Variants in MEGF6 observed in about 807,000 individuals in gnomAD.
MEGF6 encodes multiple EGF like domains 6, also known as multiple epidermal growth factor-like domains protein 6.
MEGF6 carries 184 observed loss-of-function variants against 207.1 expected under a neutral mutation model. The ratio of observed to expected loss-of-function variants is 0.89; its 90% CI spans 0.79 to 1.00. The LOEUF (loss-of-function observed/expected upper bound fraction) is 1.00, where lower values mean the gene tolerates loss of function less well. Ranked by LOEUF, MEGF6 falls within the 50% of genes least tolerant of loss-of-function variation. The pLI is 0.00. For synonymous variants in MEGF6, 1,038 were observed against 910.0 expected, an observed-to-expected ratio of 1.14 and a Z score of -2.53; for missense variants, 2,282 against 2,202.9, an observed-to-expected ratio of 1.04 and a Z score of -0.72.
chr1:3,495,124 G>A (rs971914531), intron 30 of MEGF6, among the ~76,000 whole-genome samples: 2 of 152,202 alleles, frequency 1.3e-5, no homozygotes, highest in African/African-American at 2.4e-5. Context: ...GCGTGGCTGG[G>A]CTGCCGTGGG....
At chr1:3,613,308 AAC>A (rs1009670583), upstream of MEGF6, among the ~76,000 whole-genome samples, 2 of 152,068 alleles carry the variant, frequency 1.3e-5, no homozygotes, top group African/African-American at 4.8e-5. Context: ...CACCCAAGAA[AAC>A]CTCCCCAGTG....
At position 3,611,074 on chromosome 1, in the gene MEGF6, G is replaced by C. The variant is rs116244295; in HGVS notation, c.131+64C>G. The C allele has an allele frequency of 2.5e-3, 3,548 of 1,399,830 alleles. 79 individuals are homozygous for C. In the African/African-American group the frequency reaches 0.049, roughly 19 times the overall value. 86.7% of individuals were successfully genotyped at this position (1,399,830 alleles called of 1,614,324 possible). On this transcript the variant is annotated intron_variant, in intron 1 of 36. Coordinates refer to ENST00000356575, the MANE Select transcript of MEGF6 (RefSeq NM_001409.4). The stretch of plus-strand genomic sequence containing the variant: ...AAAGCCTCGGAGCTCGGTCCACCAC[G>C]GGCCTCCAGAGGCCCCGGGGTCCCT...
At chr1:3,587,027 T>C (rs1246047640) in intron 3 of MEGF6, among the ~76,000 whole-genome samples, 1 of 151,802 alleles carries the variant, frequency 6.6e-6, no homozygotes. Flanking sequence ...CCGTCCGGGG[T>C]TTCTGCAGCA....
At position 3,506,210 on chromosome 1, in the gene MEGF6, G is replaced by A; in HGVS notation, c.1816C>T (p.His606Tyr). Residue 606 changes from histidine (H) to tyrosine (Y), a missense_variant, in exon 15 of 37, where the codon CAC becomes TAC. By Grantham distance (83) the His-to-Tyr change is moderately conservative (BLOSUM62 2). Coordinates refer to ENST00000356575, the MANE Select transcript of MEGF6 (RefSeq NM_001409.4). The stretch of plus-strand genomic sequence containing the variant: ...GCACAGTTGCATTTCTTGCGACAGT[G>A]CTTGCCATAGTAGCCCTTGGGGCAG... ...DGCPKGYYGKHCRKKCNCANR... is the reference protein window; with the variant it reads ...DGCPKGYYGKYCRKKCNCANR... The A allele has an allele frequency of 6.2e-7, 1 of 1,608,150 alleles. No homozygotes were observed. The highest frequency in any genetic ancestry group is 8.5e-7 in the Non-Finnish European group (1 of 1,177,764).
chr1:3,577,616 G>A (rs1010630425), intron 4 of MEGF6, among the ~76,000 whole-genome samples: 7 of 152,212 alleles, frequency 4.6e-5, no homozygotes, highest in African/African-American at 7.2e-5. Flanking sequence ...GCGTTCCCAC[G>A]GTGACTGGGG....
chr1:3,573,757 G>T lies in MEGF6; in HGVS notation c.481+6068C>A, dbSNP rs1028513994. 6.6e-6 allele frequency among the ~76,000 whole-genome samples: 1 copy of T among 152,194 alleles called. No individual in the cohort carries two copies. Among genetic ancestry groups the T allele is most frequent in the South Asian group, 2.1e-4 (1 of 4,830 alleles). ...GCAGCGGCAGCTCCCAGGCCTGGCCGTGGCTGGTCGCCAAGAGCAGCCCTG... is the reference window on the plus strand; with the variant it reads ...GCAGCGGCAGCTCCCAGGCCTGGCCTTGGCTGGTCGCCAAGAGCAGCCCTG... On this transcript the variant is annotated intron_variant, in intron 4 of 36. Transcript: ENST00000356575. The surrounding 1 kb of genome is among the most constrained non-coding windows in gnomAD (Gnocchi z 5.1).
At position 3,556,936 on chromosome 1, in the gene MEGF6, G is replaced by A. The variant is rs1048515122; in HGVS notation, c.481+22889C>T. Among the ~76,000 whole-genome samples, 2 of 152,208 alleles carry A rather than the reference G, an allele frequency of 1.3e-5. No homozygotes were observed. Among genetic ancestry groups the A allele is most frequent in the East Asian group, 1.9e-4 (1 of 5,190 alleles). Reference sequence around the variant, plus strand: ...CTCAGCCGACCTGACCTAGGAAGCCGATCCCGGCTTATCTGGGGGGCCTGG... The same window carrying A: ...CTCAGCCGACCTGACCTAGGAAGCCAATCCCGGCTTATCTGGGGGGCCTGG... On this transcript the variant is annotated intron_variant, in intron 4 of 36. Transcript: ENST00000356575. This position sits in a 1 kb window ranked among gnomAD's most constrained non-coding sequence, Gnocchi z 4.4.
chr1:3,596,935 C>G (rs77745787), intron 2 of MEGF6, among the ~76,000 whole-genome samples: 1 of 152,164 alleles, frequency 6.6e-6, no homozygotes, highest in East Asian at 1.9e-4. Flanking sequence ...TCCCGGGGCT[C>G]GTAAGTCTCA....
chr1:3,600,633 C>A (rs556752976), intron 2 of MEGF6, among the ~76,000 whole-genome samples: 4 of 152,176 alleles, frequency 2.6e-5, no homozygotes, highest in African/African-American at 4.8e-5. Flanking sequence ...GAGACTCCCC[C>A]GAGGCTGCAC....
At position 3,594,010 on chromosome 1, in the gene MEGF6, G is replaced by A. The variant is rs1025345336; in HGVS notation, c.376+1328C>T. On this transcript the variant is annotated intron_variant, in intron 3 of 36. Coordinates refer to ENST00000356575, the MANE Select transcript of MEGF6 (RefSeq NM_001409.4). The surrounding 1 kb of genome is among the most constrained non-coding windows in gnomAD (Gnocchi z 4.2). The stretch of plus-strand genomic sequence containing the variant: ...CAACTTCAGCCCCGGTTTGCAGCCT[G>A]CATGCTTCCTGTGTGAGAAGAGCCC... Among the ~76,000 whole-genome samples, 5 of 152,184 alleles carry A rather than the reference G, an allele frequency of 3.3e-5. No individual in the cohort carries two copies. Among genetic ancestry groups the A allele is most frequent in the African/African-American group, 1.2e-4 (5 of 41,452 alleles).
intron 35 of MEGF6, among the ~76,000 whole-genome samples, chr1:3,492,162 C>G (rs12072653): frequency 0.097 from 14,724 of 152,114 alleles, 2,443 homozygotes; most frequent in African/African-American, 0.34. Context: ...CACACATGTA[C>G]TGGCACACAT....
At chr1:3,571,657 G>A (rs544211186) in intron 4 of MEGF6, among the ~76,000 whole-genome samples, 11 of 150,912 alleles carry the variant, frequency 7.3e-5, no homozygotes, top group Non-Finnish European at 1.3e-4. Context: ...CTTCCTGGGT[G>A]TGCTAGGTCC....
chr1:3,513,227 T>G (rs1159963857), intron 7 of MEGF6, among the ~76,000 whole-genome samples: 1 of 152,142 alleles, frequency 6.6e-6, no homozygotes, highest in East Asian at 1.9e-4. Context: ...ATTTATTTAT[T>G]TTTAGACAGG....
At chr1:3,611,019 A>T in intron 1 of MEGF6, 119 bp downstream of exon 1, 1 of 1,269,074 alleles carries the variant, frequency 7.9e-7, no homozygotes, top group Non-Finnish European at 1.0e-6. Flanking sequence ...AGTTAACGCA[A>T]ACAGCCCATT....
Position 3,495,042 on chromosome 1 carries a change from A to T in MEGF6, c.3872-301T>A, listed in dbSNP as rs1569930457. 2.0e-5 allele frequency among the ~76,000 whole-genome samples: 3 copies of T among 152,300 alleles called. No individual in the cohort carries two copies. The South Asian group carries it at 6.2e-4, about 32-fold the overall frequency. On this transcript the variant is annotated intron_variant, in intron 30 of 36. Transcript: ENST00000356575. ...AAGGGGTTCACAGAAGGCTTCACGG[A>T]GGCAGCGGCCCACTGTGAACCAGCT...
the MEGF6 span, among the ~76,000 whole-genome samples, chr1:3,622,309 T>G: frequency 6.6e-6 from 1 of 152,242 alleles, no homozygotes. Flanking sequence ...ATGGTTTAAG[T>G]GTGGCACATC....
At chr1:3,581,309 G>A (rs960383847) in intron 3 of MEGF6, among the ~76,000 whole-genome samples, 9 of 151,998 alleles carry the variant, frequency 5.9e-5, no homozygotes, top group East Asian at 1.9e-4. Flanking sequence ...CAGGCATGGC[G>A]GCATCCCCTC....
chr1:3,498,336 G>T, intron 26 of MEGF6, 35 bp downstream of exon 26: 1 of 1,581,070 alleles, frequency 6.3e-7, no homozygotes, highest in Non-Finnish European at 8.6e-7. Context: ...TCCCAGCAGG[G>T]CCTGCAGACC....
At chr1:3,591,465 TAAG>T (rs1321810909) in intron 3 of MEGF6, among the ~76,000 whole-genome samples, 1 of 152,176 alleles carries the variant, frequency 6.6e-6, no homozygotes, top group Non-Finnish European at 1.5e-5. Flanking sequence ...CCTCCTCCTC[TAAG>T]AACAAGAGCT....
Sources: allele counts gnomAD v4.1 joint callset (sites outside exome capture counted in the v4.1 genomes callset), GRCh38; gene constraint gnomAD v4.1.1; non-coding constraint Gnocchi (gnomAD v3.1); transcripts MANE v1.5; gene names NCBI Gene and HGNC (gene_info 2026-07-23, HGNC 2026-07-21).